Variants in SLIT3 observed in about 807,000 individuals in gnomAD.
SLIT3 encodes slit homolog 3 protein.
Under a neutral mutation model 184.0 loss-of-function variants are expected in SLIT3, and 68 were observed. The observed-to-expected ratio is 0.37, with a 90% CI of 0.30 to 0.45. The LOEUF (loss-of-function observed/expected upper bound fraction) is 0.45, where lower values mean the gene tolerates loss of function less well. Among genes scored for constraint, SLIT3 ranks in the 20% least tolerant of loss-of-function variants. The pLI, the probability that SLIT3 is intolerant of heterozygous loss-of-function variation, is 1.00. For synonymous variants in SLIT3, 831 were observed against 828.6 expected, an observed-to-expected ratio of 1.00 and a Z score of -0.05; for missense variants, 1,707 against 2,026.0, an observed-to-expected ratio of 0.84 and a Z score of 3.02.
intron 34 of SLIT3, 44 bp from the exon 35 acceptor site, chr5:168,670,035 G>C: frequency 6.4e-7 from 1 of 1,559,546 alleles, no homozygotes; most frequent in Non-Finnish European, 8.8e-7. Flanking sequence ...GATCAGAGTT[G>C]GTGCTGCTGG....
intron 8 of SLIT3, among the ~76,000 whole-genome samples, chr5:168,809,780 T>C (rs1757105083): frequency 6.6e-6 from 1 of 152,180 alleles, no homozygotes; most frequent in Non-Finnish European, 1.5e-5. Flanking sequence ...CCCAGAAGCC[T>C]GGCACATGTG....
chr5:169,230,730 T>G (rs1466643075), intron 3 of SLIT3, among the ~76,000 whole-genome samples: 1 of 152,222 alleles, frequency 6.6e-6, no homozygotes, highest in Admixed American at 6.5e-5. Context: ...TCCTGAAGGT[T>G]GTTTTCTTTT....
chr5:168,987,920 C>T (rs558931636), intron 4 of SLIT3, among the ~76,000 whole-genome samples: 107 of 152,334 alleles, frequency 7.0e-4, no homozygotes, highest in African/African-American at 2.5e-3. Context: ...AGTGCACTAC[C>T]TGTACACATG....
At chr5:168,761,920 A>AG (rs546743393) in intron 15 of SLIT3, among the ~76,000 whole-genome samples, 14 of 115,516 alleles carry the variant, frequency 1.2e-4, no homozygotes, top group Non-Finnish European at 3.5e-5. Context: ...AAAAAAAAAA[A>AG]ATTTTTTTTT....
Position 168,760,999 on chromosome 5 carries a change from A to C in SLIT3, c.1611-63T>G, listed in dbSNP as rs888063809. On this transcript the variant is annotated intron_variant, in intron 15 of 35. Coordinates refer to ENST00000519560, the MANE Select transcript of SLIT3 (RefSeq NM_003062.4). ...GACGAGGCCCCTCCTTCCACCCCCCATGGCTTTGCTGCATTGCTGCCTGAA... is the reference window on the plus strand; with the variant it reads ...GACGAGGCCCCTCCTTCCACCCCCCCTGGCTTTGCTGCATTGCTGCCTGAA... The C allele has an allele frequency of 8.9e-6, 11 of 1,241,732 alleles. No individual in the cohort carries two copies. The African/African-American group carries it at 1.3e-4, about 15-fold the overall frequency. The allele number at this position is 1,241,732 out of a possible 1,614,324, so 76.9% of individuals were successfully genotyped here. A position where few individuals can be genotyped will look rare whatever the true frequency, so the allele number is the denominator to read the frequency against.
chr5:168,667,028 G>T (rs7705016), intron 35 of SLIT3, among the ~76,000 whole-genome samples: 45,624 of 151,960 alleles, frequency 0.3, 7,469 homozygotes, highest in African/African-American at 0.43. Flanking sequence ...AGACCAATTT[G>T]GATCACCCTA....
chr5:168,669,691 G>C, intron 35 of SLIT3, 92 bp downstream of exon 35: 9 of 1,039,712 alleles, frequency 8.7e-6, no homozygotes. Context: ...CAGCCTTTAA[G>C]TGGCACAGCC....
intron 8 of SLIT3, 85 bp downstream of exon 8, chr5:168,817,215 G>A (rs1757360715): frequency 1.6e-6 from 2 of 1,268,224 alleles, no homozygotes; most frequent in Non-Finnish European, 2.3e-6. Flanking sequence ...GCTAGGGTAT[G>A]TGTTCAAGGT....
intron 16 of SLIT3, among the ~76,000 whole-genome samples, chr5:168,755,699 G>C (rs1011436312): frequency 1.4e-4 from 21 of 152,172 alleles, no homozygotes; most frequent in East Asian, 1.9e-4. Flanking sequence ...GCCTCCCAAA[G>C]TGCCGGGATT....
chr5:168,705,226 T>C (rs766931364), intron 26 of SLIT3, among the ~76,000 whole-genome samples: 24 of 152,182 alleles, frequency 1.6e-4, no homozygotes, highest in Non-Finnish European at 3.5e-4. Context: ...GCACAGCTTC[T>C]AGAGTCAGTT....
At chr5:168,836,598 CA>C (rs1758061874) in intron 6 of SLIT3, among the ~76,000 whole-genome samples, 1 of 152,122 alleles carries the variant, frequency 6.6e-6, no homozygotes, top group African/African-American at 2.4e-5. Flanking sequence ...CAAAGCATTT[CA>C]AAAGACTGCT....
chr5:169,086,646 C>T (rs972958820), intron 4 of SLIT3, among the ~76,000 whole-genome samples: 2 of 152,238 alleles, frequency 1.3e-5, no homozygotes, highest in Admixed American at 1.3e-4. Flanking sequence ...TTCAGTCAAG[C>T]TGGACCTCTT....
chr5:169,131,430 T>C (rs1761293609), intron 4 of SLIT3, among the ~76,000 whole-genome samples: 1 of 152,166 alleles, frequency 6.6e-6, no homozygotes, highest in Non-Finnish European at 1.5e-5. Flanking sequence ...GTACTGCCGG[T>C]TATTCTGATG....
intron 11 of SLIT3, among the ~76,000 whole-genome samples, chr5:168,786,790 G>A (rs919336437): frequency 2.0e-5 from 3 of 152,050 alleles, no homozygotes; most frequent in African/African-American, 7.2e-5. Context: ...GCTCTTCAAA[G>A]GCACTAGAGA....
chr5:168,876,270 C>T (rs550056875), intron 5 of SLIT3, among the ~76,000 whole-genome samples: 1 of 152,116 alleles, frequency 6.6e-6, no homozygotes, highest in African/African-American at 2.4e-5. Context: ...CTCCTCTCTG[C>T]CCACACAGCT....
intron 1 of SLIT3, among the ~76,000 whole-genome samples, chr5:169,284,542 C>T (rs549844946): frequency 6.6e-6 from 1 of 152,332 alleles, no homozygotes; most frequent in East Asian, 1.9e-4. Context: ...TAAGTCCCTA[C>T]TATGTGTCAG....
intron 4 of SLIT3, among the ~76,000 whole-genome samples, chr5:169,149,432 A>C (rs1762041853): frequency 6.7e-6 from 1 of 148,428 alleles, no homozygotes. Flanking sequence ...CTGGCTCTTC[A>C]CCTCTGAGGG....
intron 4 of SLIT3, among the ~76,000 whole-genome samples, chr5:168,945,741 C>T (rs1562020589): frequency 2.0e-5 from 3 of 152,250 alleles, no homozygotes; most frequent in African/African-American, 7.2e-5. Context: ...GTTTCCTCCT[C>T]CCAACACGTG....
chr5:169,251,300 G>T, intron 2 of SLIT3, 88 bp downstream of exon 2: 1 of 876,966 alleles, frequency 1.1e-6, no homozygotes. Flanking sequence ...CAGGGCTTGG[G>T]AGTGTGATGT....
Sources: gnomAD v4.1 joint callset for allele counts (sites outside exome capture counted in the v4.1 genomes callset) on GRCh38, gnomAD v4.1.1 for gene constraint, MANE v1.5 for transcripts, NCBI Gene and HGNC (gene_info 2026-07-23, HGNC 2026-07-21) for gene names.